Variants in TBCE observed in about 807,000 individuals in gnomAD.
TBCE encodes tubulin folding cofactor E.
TBCE carries 53 observed loss-of-function variants against 77.0 expected under a neutral mutation model. The observed-to-expected ratio is 0.69, with a 90% CI of 0.55 to 0.87. The LOEUF is 0.87. TBCE is among the 40% of genes least tolerant of loss of function. The probability of loss-of-function intolerance (pLI) is 0.00; values close to 1 mark genes in which losing one functional copy is unlikely to be tolerated. For missense variants in TBCE, 624 were observed against 622.4 expected (o/e 1.00, Z -0.03); for synonymous variants, 235 against 241.3 (o/e 0.97, Z 0.24).
At chr1:235,419,244 G>A in intron 4 of TBCE, 1 of 627,174 alleles carries the variant, frequency 1.6e-6, no homozygotes, top group East Asian at 2.8e-5. Flanking sequence ...GGAGTAGAGG[G>A]AGAATTGTGT....
chr1:235,427,862 C>A (rs1680818508), intron 6 of TBCE, among the ~76,000 whole-genome samples: 1 of 152,024 alleles, frequency 6.6e-6, no homozygotes, highest in African/African-American at 2.4e-5. Context: ...GAAACCCCGT[C>A]TCTACTAAAA....
intron 5 of TBCE, among the ~76,000 whole-genome samples, chr1:235,421,108 G>A (rs6679050): frequency 0.071 from 10,737 of 152,188 alleles, 720 homozygotes; most frequent in African/African-American, 0.18. Context: ...GTTGGAGGTA[G>A]GTTAAAAGAA....
intron 2 of TBCE, among the ~76,000 whole-genome samples, chr1:235,400,964 A>C (rs1394457971): frequency 6.6e-6 from 1 of 150,754 alleles, no homozygotes; most frequent in African/African-American, 2.4e-5. Context: ...TTGGCCTTGC[A>C]AAGTGCTGGG....
intron 7 of TBCE, among the ~76,000 whole-genome samples, chr1:235,431,156 T>C (rs554764644): frequency 1.3e-5 from 2 of 152,286 alleles, no homozygotes; most frequent in South Asian, 4.1e-4. Context: ...GTTAGTTTTT[T>C]TTAGAACAGA....
chr1:235,404,008 T>A (rs377475881), intron 3 of TBCE, among the ~76,000 whole-genome samples: 14 of 152,056 alleles, frequency 9.2e-5, no homozygotes, highest in African/African-American at 3.4e-4. Flanking sequence ...GCCGGGTGCG[T>A]TGGCTCACGC....
chr1:235,430,341 A>G (rs1681015782), intron 6 of TBCE: 1 of 220,244 alleles, frequency 4.5e-6, no homozygotes, highest in Non-Finnish European at 9.1e-6. Context: ...TGTATCAGTA[A>G]GACTCTGGAG....
chr1:235,413,377 A>G (rs544657721), intron 3 of TBCE, among the ~76,000 whole-genome samples: 21 of 151,862 alleles, frequency 1.4e-4, no homozygotes, highest in Non-Finnish European at 2.8e-4. Context: ...AAAAAAAAAA[A>G]AAAATTAGGC....
intron 3 of TBCE, among the ~76,000 whole-genome samples, chr1:235,403,219 T>G (rs981412850): frequency 6.6e-6 from 1 of 152,124 alleles, no homozygotes; most frequent in African/African-American, 2.4e-5. Flanking sequence ...CTTTTTTCTT[T>G]TTTTTGAGAT....
intron 2 of TBCE, among the ~76,000 whole-genome samples, chr1:235,391,261 A>G (rs930775830): frequency 6.6e-5 from 10 of 152,096 alleles, no homozygotes; most frequent in African/African-American, 2.4e-4. Flanking sequence ...AGGCAGGTGG[A>G]TCACTTGGTC....
chr1:235,441,946 G>A, intron 14 of TBCE, 64 bp downstream of exon 14: 1 of 1,421,524 alleles, frequency 7.0e-7, no homozygotes, highest in East Asian at 2.3e-5. Flanking sequence ...AACAGTTAGT[G>A]TGTTTCTCTT....
intron 3 of TBCE, among the ~76,000 whole-genome samples, chr1:235,410,933 C>A (rs1244999962): frequency 1.3e-5 from 2 of 152,176 alleles, no homozygotes; most frequent in African/African-American, 4.8e-5. Context: ...AATAAGTGTT[C>A]AGTTTAAGAA....
At position 235,450,057 on chromosome 1, in the gene TBCE, A is replaced by G. The variant is rs1682796347; in HGVS notation, c.*1295A>G. The G allele has an allele frequency of 9.9e-6, 9 of 905,158 alleles. No homozygotes were observed. The highest frequency in any genetic ancestry group is 9.9e-5 in the South Asian group (5 of 50,612). 56.1% of individuals were successfully genotyped at this position (905,158 alleles called of 1,614,324 possible). The stretch of plus-strand genomic sequence containing the variant: ...AAGGAAATTTGTGCAAACATTAAGA[A>G]ACACCGCATTGGTTCTGGGTGAAAG... On this transcript the variant is annotated 3_prime_UTR_variant, in exon 17 of 17. Coordinates refer to ENST00000642610, the MANE Select transcript of TBCE (RefSeq NM_003193.5).
At chr1:235,379,478 A>G (rs1677484651) in intron 1 of TBCE, among the ~76,000 whole-genome samples, 2 of 152,144 alleles carry the variant, frequency 1.3e-5, no homozygotes, top group Non-Finnish European at 1.5e-5. Context: ...CAGTGAGCCG[A>G]GATCGTGCCA....
chr1:235,376,634 CAT>C (rs1677314106), intron 1 of TBCE, among the ~76,000 whole-genome samples: 1 of 152,110 alleles, frequency 6.6e-6, no homozygotes. Flanking sequence ...CTTACTAAAA[CAT>C]AAATTCCCCA....
In TBCE at chr1:235,450,552, G is replaced by C; in HGVS notation, c.*1790G>C. 1.9e-6 allele frequency: 1 copy of C among 526,530 alleles called. No homozygotes were observed. The highest frequency in any genetic ancestry group is 3.4e-6 in the Non-Finnish European group (1 of 296,236). The allele number at this position is 526,530 out of a possible 1,614,324, so 32.6% of individuals were successfully genotyped here. On this transcript the variant is annotated 3_prime_UTR_variant, in exon 17 of 17. Coordinates refer to ENST00000642610, the MANE Select transcript of TBCE (RefSeq NM_003193.5). ...CACAGTCCTGTGGCTGTGGAATACA[G>C]AAACAAGGCGGTGTGTGGATGAAGA...
intron 5 of TBCE, 137 bp downstream of exon 5, chr1:235,419,698 T>C: frequency 1.7e-6 from 2 of 1,211,926 alleles, no homozygotes; most frequent in Non-Finnish European, 2.3e-6. Context: ...CTTGGTGTAG[T>C]TGGGGCCCAG....
chr1:235,400,406 C>CCCTTTTTTTTTTTTTT (rs1679021816), intron 2 of TBCE, among the ~76,000 whole-genome samples: 2 of 49,214 alleles, frequency 4.1e-5, no homozygotes, highest in African/African-American at 1.8e-4. Flanking sequence ...ATTATTTTTC[C>CCCTTTTTTTTTTTTTT]TCTTTTTTTT....
chr1:235,408,380 A>C (rs1164809276), intron 3 of TBCE, among the ~76,000 whole-genome samples: 1 of 151,910 alleles, frequency 6.6e-6, no homozygotes, highest in Non-Finnish European at 1.5e-5. Context: ...TTGGCTGAGC[A>C]TTAATGGATT....
Position 235,380,161 on chromosome 1 carries a change from T to TTGTG in TBCE, c.100+62_100+65dup, listed in dbSNP as rs10524346. ...CCCTCCCGTGGCAGGTAAGCAATTATTGTGTGTGTGTGTGTGTGTGTGTGT... is the reference window on the plus strand; with the variant it reads ...CCCTCCCGTGGCAGGTAAGCAATTATTGTGTGTGTGTGTGTGTGTGTGTGTGTGT... On this transcript the variant is annotated intron_variant, in intron 2 of 16. Transcript: ENST00000642610. 4.3e-4 allele frequency: 491 copies of TTGTG among 1,138,692 alleles called. No homozygotes were observed. The highest frequency in any genetic ancestry group is 9.1e-4 in the Admixed American group (50 of 55,114). The allele number at this position is 1,138,692 out of a possible 1,614,324, so 70.5% of individuals were successfully genotyped here.
Sources: gnomAD v4.1 joint callset for allele counts (sites outside exome capture counted in the v4.1 genomes callset) on GRCh38, gnomAD v4.1.1 for gene constraint, MANE v1.5 for transcripts, NCBI Gene and HGNC (gene_info 2026-07-23, HGNC 2026-07-21) for gene names.